Variants in GMDS observed in about 807,000 individuals in gnomAD.
The protein encoded by GMDS is GDP-mannose 4,6-dehydratase.
In GMDS, 20 loss-of-function variants were observed where a neutral mutation model predicts 49.9. The observed-to-expected ratio is 0.40, with a 90% CI of 0.28 to 0.58. The LOEUF is 0.58. Ranked by LOEUF, GMDS falls within the 20% of genes least tolerant of loss-of-function variation. GMDS has a pLI of 0.42. For missense variants in GMDS, 362 were observed against 481.4 expected (o/e 0.75, Z 2.32); for synonymous variants, 177 against 178.6 (o/e 0.99, Z 0.07).
At chr6:2,074,395 C>T (rs1380924105) in intron 4 of GMDS, among the ~76,000 whole-genome samples, 1 of 152,132 alleles carries the variant, frequency 6.6e-6, no homozygotes, top group Non-Finnish European at 1.5e-5. Flanking sequence ...GTACCCTGCA[C>T]ATTTTGGATA....
chr6:2,063,903 C>T (rs576209658), intron 4 of GMDS, among the ~76,000 whole-genome samples: 2 of 152,240 alleles, frequency 1.3e-5, no homozygotes, highest in South Asian at 4.2e-4. Context: ...AAAAGAACAG[C>T]AATAAATAAA....
At chr6:1,932,586 G>A (rs997339927) in intron 6 of GMDS, among the ~76,000 whole-genome samples, 3 of 143,550 alleles carry the variant, frequency 2.1e-5, no homozygotes, top group Non-Finnish European at 4.5e-5. Flanking sequence ...CACCCAGGCT[G>A]GAGTGCAGTG....
At chr6:1,731,145 T>C (rs762473437) in intron 8 of GMDS, among the ~76,000 whole-genome samples, 13 of 152,166 alleles carry the variant, frequency 8.5e-5, no homozygotes, top group Non-Finnish European at 1.6e-4. Flanking sequence ...ATCCAAGAGA[T>C]GATTTCGAAG....
chr6:1,700,032 G>A (rs1426616383), intron 9 of GMDS, among the ~76,000 whole-genome samples: 1 of 152,136 alleles, frequency 6.6e-6, no homozygotes, highest in Non-Finnish European at 1.5e-5. Flanking sequence ...GCAAAAGGGA[G>A]ATATTTTTGC....
At chr6:1,825,852 C>T (rs1377556843) in intron 7 of GMDS, among the ~76,000 whole-genome samples, 2 of 152,126 alleles carry the variant, frequency 1.3e-5, no homozygotes, top group African/African-American at 4.8e-5. Context: ...CCCATCTCTA[C>T]TAAAAACACA....
chr6:2,199,502 G>A (rs1779412554), intron 1 of GMDS, among the ~76,000 whole-genome samples: 1 of 152,042 alleles, frequency 6.6e-6, no homozygotes, highest in Non-Finnish European at 1.5e-5. Flanking sequence ...TGTCCTCGCT[G>A]CTCTCCCCAC....
intron 7 of GMDS, among the ~76,000 whole-genome samples, chr6:1,775,907 G>A (rs3800055): frequency 0.049 from 7,520 of 152,054 alleles, 260 homozygotes; most frequent in South Asian, 0.097. Context: ...TGTCTTTATT[G>A]TGAAAAAAGA....
At chr6:1,847,751 T>A (rs1005448186) in intron 7 of GMDS, among the ~76,000 whole-genome samples, 1 of 152,230 alleles carries the variant, frequency 6.6e-6, no homozygotes, top group Non-Finnish European at 1.5e-5. Context: ...TTTTTCACTT[T>A]GCCCCAATAC....
chr6:1,957,987 TGA>T (rs1763733413), intron 6 of GMDS, among the ~76,000 whole-genome samples: 1 of 152,012 alleles, frequency 6.6e-6, no homozygotes, highest in Non-Finnish European at 1.5e-5. Flanking sequence ...TTTATTTTTT[TGA>T]GAGACAGGAT....
chr6:1,642,675 C>T (rs374690187), intron 9 of GMDS, among the ~76,000 whole-genome samples: 5 of 152,160 alleles, frequency 3.3e-5, no homozygotes, highest in African/African-American at 4.8e-5. Flanking sequence ...GCATAACAGA[C>T]GTGGAGTAAT....
chr6:2,043,733 T>C (rs1769826492), intron 4 of GMDS, among the ~76,000 whole-genome samples: 1 of 152,246 alleles, frequency 6.6e-6, no homozygotes, highest in African/African-American at 2.4e-5. Flanking sequence ...TTTGAGCTTC[T>C]GCACAGCAAA....
chr6:1,955,235 A>C (rs1303448438), intron 6 of GMDS, among the ~76,000 whole-genome samples: 1 of 152,218 alleles, frequency 6.6e-6, no homozygotes, highest in Admixed American at 6.5e-5. Context: ...TACAGTAAAA[A>C]TGTGACTTTT....
intron 9 of GMDS, among the ~76,000 whole-genome samples, chr6:1,677,378 G>A (rs1764658418): frequency 2.0e-5 from 3 of 152,210 alleles, no homozygotes; most frequent in Admixed American, 2.0e-4. Flanking sequence ...CATTGTGGAA[G>A]ACAGTGTGGC....
intron 9 of GMDS, among the ~76,000 whole-genome samples, chr6:1,675,926 A>G (rs560585790): frequency 1.3e-5 from 2 of 152,252 alleles, no homozygotes; most frequent in Admixed American, 1.3e-4. Context: ...AGAGAATACT[A>G]TAAACACCTC....
chr6:1,981,917 A>T (rs1174962388), intron 4 of GMDS, among the ~76,000 whole-genome samples: 3 of 152,212 alleles, frequency 2.0e-5, no homozygotes, highest in Admixed American at 2.0e-4. Flanking sequence ...AACTAAAGAC[A>T]CAAAACACAT....
intron 7 of GMDS, among the ~76,000 whole-genome samples, chr6:1,785,475 A>G (rs922812165): frequency 6.6e-6 from 1 of 152,158 alleles, no homozygotes; most frequent in African/African-American, 2.4e-5. Context: ...TGGCAGCTGT[A>G]CTTGTTGGAA....
intron 4 of GMDS, among the ~76,000 whole-genome samples, chr6:2,020,616 A>T (rs890883977): frequency 2.6e-5 from 4 of 151,934 alleles, no homozygotes; most frequent in East Asian, 1.9e-4. Flanking sequence ...CCAGAGGCAT[A>T]TTTTTTTTAA....
At chr6:1,960,014 A>T in intron 5 of GMDS, 43 bp from the exon 6 acceptor site, 1 of 1,173,592 alleles carries the variant, frequency 8.5e-7, no homozygotes, top group Non-Finnish European at 1.3e-6. Context: ...TTGTTGTAAA[A>T]GACAGTGATT....
At chr6:2,242,260 T>C (rs1198418345) in intron 1 of GMDS, among the ~76,000 whole-genome samples, 4 of 152,132 alleles carry the variant, frequency 2.6e-5, no homozygotes, top group African/African-American at 9.7e-5. Context: ...CAAGAACATC[T>C]CCAAGAGTGC....
Sources: gnomAD v4.1 joint callset for allele counts (sites outside exome capture counted in the v4.1 genomes callset) on GRCh38, gnomAD v4.1.1 for gene constraint, MANE v1.5 for transcripts, NCBI Gene and HGNC (gene_info 2026-07-23, HGNC 2026-07-21) for gene names.